NINJ2: variants seen among roughly 807,000 people sequenced by gnomAD.
NINJ2 encodes ninjurin-2.
NINJ2 carries 12 observed loss-of-function variants against 11.7 expected under a neutral mutation model. That is an observed-to-expected ratio of 1.02 (90% CI 0.66 to 1.66). NINJ2 has a LOEUF of 1.66. NINJ2 is among the 40% of genes most tolerant of loss of function. NINJ2 has a pLI of 0.00. For synonymous variants in NINJ2, 93 were observed against 76.8 expected (o/e 1.21, Z -1.10); for missense variants, 187 against 181.8 (o/e 1.03, Z -0.16).
At chr12:620,345 C>T (rs948289984) in intron 1 of NINJ2, among the ~76,000 whole-genome samples, 2 of 148,274 alleles carry the variant, frequency 1.3e-5, no homozygotes, top group African/African-American at 4.8e-5. Context: ...CAGCGATCCC[C>T]GCTTTGCGGG....
At chr12:564,911 GA>G (rs1211769643) in intron 3 of NINJ2, among the ~76,000 whole-genome samples, 1 of 152,274 alleles carries the variant, frequency 6.6e-6, no homozygotes, top group Non-Finnish European at 1.5e-5. Context: ...ATGGCAGGGA[GA>G]AATTCCCCAT....
At chr12:638,484 C>A (rs1274571454) in intron 1 of NINJ2, among the ~76,000 whole-genome samples, 1 of 152,204 alleles carries the variant, frequency 6.6e-6, no homozygotes, top group African/African-American at 2.4e-5. Context: ...GGCGCAATCT[C>A]GGCTCACTAC....
chr12:630,726 C>A (rs753534690), intron 1 of NINJ2, among the ~76,000 whole-genome samples: 9 of 152,342 alleles, frequency 5.9e-5, no homozygotes, highest in Non-Finnish European at 1.3e-4. Flanking sequence ...AGAGGGCCAG[C>A]CTCTGGCCCC....
intron 2 of NINJ2, 80 bp from the exon 3 acceptor site, chr12:565,481 T>A (rs1283600931): frequency 1.4e-6 from 2 of 1,433,018 alleles, no homozygotes; most frequent in African/African-American, 2.8e-5. Context: ...CCACCAGAGT[T>A]TGGAGAGAGG....
intron 1 of NINJ2, among the ~76,000 whole-genome samples, chr12:605,592 A>G (rs1947932407): frequency 6.6e-6 from 1 of 152,182 alleles, no homozygotes; most frequent in Non-Finnish European, 1.5e-5. Context: ...CTAGAGAGAC[A>G]ACATTAAGAC....
intron 1 of NINJ2, among the ~76,000 whole-genome samples, chr12:622,367 G>A (rs1362782584): frequency 1.7e-5 from 2 of 120,622 alleles, no homozygotes; most frequent in Non-Finnish European, 3.2e-5. Flanking sequence ...CTGAGATCAC[G>A]CCACTGCACT....
intron 1 of NINJ2, chr12:632,169 T>C (rs943507667): frequency 6.6e-5 from 10 of 152,260 alleles, no homozygotes; most frequent in Admixed American, 2.6e-4. Flanking sequence ...GGGCTCAGGA[T>C]ATGGAAAAAG....
Position 663,394 on chromosome 12 carries a change from G to A in NINJ2, c.-34C>T. ...CCTCAAGTCCCTTCACACGCACCGG[G>A]TGCCGGGAACAGACTGCGTGGGCTC... On this transcript the variant is annotated 5_prime_UTR_variant, in exon 1 of 4. Coordinates refer to ENST00000305108, the MANE Select transcript of NINJ2 (RefSeq NM_016533.6). 5.0e-6 allele frequency: 8 copies of A among 1,614,140 alleles called. No homozygotes were observed. Among genetic ancestry groups the A allele is most frequent in the Non-Finnish European group, 5.9e-6 (7 of 1,180,022 alleles).
At chr12:601,349 A>C (rs1387185728) in intron 1 of NINJ2, among the ~76,000 whole-genome samples, 2 of 148,054 alleles carry the variant, frequency 1.4e-5, no homozygotes, top group East Asian at 4.1e-4. Flanking sequence ...GATCGAGACC[A>C]TCCTGGCTAA....
rs542720885 is a variant in NINJ2 at position 619,342 on chromosome 12, C to A, written c.33+43986G>T. Among the ~76,000 whole-genome samples the A allele has an allele frequency of 2.0e-5, 3 of 152,218 alleles. No homozygotes were observed. The Middle Eastern group carries it at 0.01, about 518-fold the overall frequency. ...GAAAAGGCAGAAGCTATGTTAATGG[C>A]CAAAGAGAACATGCTTTAGAAGGAA... On this transcript the variant is annotated intron_variant, in intron 1 of 3. Transcript: ENST00000305108.
chr12:638,618 T>C (rs1006143641), intron 1 of NINJ2, among the ~76,000 whole-genome samples: 1 of 152,316 alleles, frequency 6.6e-6, no homozygotes, highest in Middle Eastern at 3.4e-3. Flanking sequence ...GGTTTCACCG[T>C]GTTAGCCATG....
chr12:625,005 A>G (rs1280540514), intron 1 of NINJ2, among the ~76,000 whole-genome samples: 1 of 149,090 alleles, frequency 6.7e-6, no homozygotes, highest in Admixed American at 6.8e-5. Flanking sequence ...GCTACTTGGG[A>G]GGCTGAGTAA....
chr12:663,151 G>A (rs753946139), intron 1 of NINJ2, among the ~76,000 whole-genome samples, 177 bp downstream of exon 1: 3 of 152,186 alleles, frequency 2.0e-5, no homozygotes, highest in Non-Finnish European at 4.4e-5. Flanking sequence ...AACCAGATAG[G>A]GAAACAGAGA....
chr12:588,858 G>A (rs1428829083), intron 1 of NINJ2, among the ~76,000 whole-genome samples: 1 of 152,224 alleles, frequency 6.6e-6, no homozygotes, highest in Admixed American at 6.5e-5. Flanking sequence ...TTAAGAGACT[G>A]ATAATACTCA....
chr12:599,168 G>T (rs1409325000), intron 1 of NINJ2, among the ~76,000 whole-genome samples: 1 of 151,892 alleles, frequency 6.6e-6, no homozygotes, highest in East Asian at 1.9e-4. Context: ...GATCACCTGA[G>T]GTCAGGAGTT....
intron 1 of NINJ2, among the ~76,000 whole-genome samples, chr12:595,939 A>T (rs1439934419): frequency 6.6e-6 from 1 of 152,256 alleles, no homozygotes; most frequent in African/African-American, 2.4e-5. Flanking sequence ...TGTCCACATG[A>T]TACGTCATCA....
chr12:586,705 G>C (rs1947643662), intron 1 of NINJ2, among the ~76,000 whole-genome samples: 1 of 152,270 alleles, frequency 6.6e-6, no homozygotes, highest in Non-Finnish European at 1.5e-5. Context: ...CAAGGCAACA[G>C]AACTGGGCAG....
intron 1 of NINJ2, among the ~76,000 whole-genome samples, chr12:618,051 T>A (rs1347176174): frequency 6.6e-6 from 1 of 151,740 alleles, no homozygotes; most frequent in Non-Finnish European, 1.5e-5. Context: ...TCAGACTGCA[T>A]AAAAGCCTCC....
chr12:623,604 G>C (rs1948179080), intron 1 of NINJ2, among the ~76,000 whole-genome samples: 1 of 152,240 alleles, frequency 6.6e-6, no homozygotes, highest in African/African-American at 2.4e-5. Flanking sequence ...TGTACCCTGG[G>C]ATGAGTGAGA....
Sources: gnomAD v4.1 joint callset for allele counts (sites outside exome capture counted in the v4.1 genomes callset) on GRCh38, gnomAD v4.1.1 for gene constraint, MANE v1.5 for transcripts, NCBI Gene and HGNC (gene_info 2026-07-23, HGNC 2026-07-21) for gene names.